Variants in IKZF2 observed in about 807,000 individuals in gnomAD.
IKZF2 encodes IKAROS family zinc finger 2.
IKZF2 carries 15 observed loss-of-function variants against 49.2 expected under a neutral mutation model. That is an observed-to-expected ratio of 0.30 (90% CI 0.20 to 0.47). The LOEUF is 0.47. IKZF2 is among the 20% of genes least tolerant of loss of function. IKZF2 has a pLI of 1.00. For synonymous variants in IKZF2, 227 were observed against 221.4 expected (o/e 1.03, Z -0.23); for missense variants, 567 against 664.6 (o/e 0.85, Z 1.61).
chr2:213,075,890 G>A (rs73077231), intron 4 of IKZF2, among the ~76,000 whole-genome samples: 1 of 151,922 alleles, frequency 6.6e-6, no homozygotes, highest in African/African-American at 2.4e-5. Context: ...TATTATCAAA[G>A]AACTCATAAA....
chr2:213,141,133 C>T (rs986653972), intron 4 of IKZF2, among the ~76,000 whole-genome samples: 1 of 151,968 alleles, frequency 6.6e-6, no homozygotes, highest in Non-Finnish European at 1.5e-5. Flanking sequence ...CCATCCTTGA[C>T]TCTATTGTCT....
intron 4 of IKZF2, among the ~76,000 whole-genome samples, chr2:213,108,077 A>G (rs187865609): frequency 6.6e-6 from 1 of 152,162 alleles, no homozygotes; most frequent in Non-Finnish European, 1.5e-5. Flanking sequence ...TGAAATTACT[A>G]TGGAGCAACC....
chr2:213,064,337 G>A (rs548599078), intron 4 of IKZF2, among the ~76,000 whole-genome samples: 1 of 152,076 alleles, frequency 6.6e-6, no homozygotes, highest in East Asian at 1.9e-4. Flanking sequence ...ACACCTGTGA[G>A]TTGGTAATGT....
At chr2:213,056,523 G>C (rs1701167160) in intron 5 of IKZF2, 1 of 452,270 alleles carries the variant, frequency 2.2e-6, no homozygotes, top group Non-Finnish European at 4.1e-6. Flanking sequence ...AATATGTATA[G>C]AAATACAAAA....
In IKZF2 at chr2:213,003,410, T is replaced by G. The variant is rs1292955669; in HGVS notation, c.*3950A>C. 1 of 151,768 alleles carries G rather than the reference T, an allele frequency of 6.6e-6. No homozygotes were observed. Among genetic ancestry groups the G allele is most frequent in the African/African-American group, 2.4e-5 (1 of 41,406 alleles). The allele number at this position is 151,768 out of a possible 1,614,324, so 9.4% of individuals were successfully genotyped here. ...TGGTTTAGAATAGTCTTCATTCAGA[T>G]AGTATTTATTAAAATAATACATAAA... On this transcript the variant is annotated 3_prime_UTR_variant, in exon 9 of 9. Coordinates refer to ENST00000434687, the MANE Select transcript of IKZF2 (RefSeq NM_001387220.1).
chr2:213,146,760 G>GA (rs1007725227), intron 4 of IKZF2, among the ~76,000 whole-genome samples: 1 of 2,654 alleles, frequency 3.8e-4, no homozygotes, highest in Admixed American at 3.9e-3. Context: ...TTAAATCTTC[G>GA]GGGGGGGGGA....
chr2:213,149,032 G>A (rs962228786), intron 2 of IKZF2, among the ~76,000 whole-genome samples: 1 of 152,186 alleles, frequency 6.6e-6, no homozygotes, highest in Non-Finnish European at 1.5e-5. Context: ...GACTTCCCCA[G>A]TATACAGATA....
chr2:213,094,236 G>A (rs1705695891), intron 4 of IKZF2, among the ~76,000 whole-genome samples: 1 of 152,138 alleles, frequency 6.6e-6, no homozygotes, highest in Non-Finnish European at 1.5e-5. Context: ...ATCTGACTAT[G>A]CTGAGTATGT....
chr2:213,039,473 G>A (rs1458988627), intron 6 of IKZF2, among the ~76,000 whole-genome samples: 4 of 152,028 alleles, frequency 2.6e-5, no homozygotes, highest in African/African-American at 7.2e-5. Context: ...GCTTTAAACT[G>A]ACAATTAGAC....
At chr2:213,037,531 C>T (rs1387790792) in intron 6 of IKZF2, among the ~76,000 whole-genome samples, 2 of 152,144 alleles carry the variant, frequency 1.3e-5, no homozygotes, top group Admixed American at 6.5e-5. Context: ...GTCTTACAGC[C>T]GGCCTGACTG....
chr2:213,011,728 G>A (rs1695977546), intron 8 of IKZF2, among the ~76,000 whole-genome samples: 1 of 151,950 alleles, frequency 6.6e-6, no homozygotes, highest in South Asian at 2.1e-4. Flanking sequence ...GCTGATATTT[G>A]GGATCAGTTA....
intron 4 of IKZF2, among the ~76,000 whole-genome samples, chr2:213,092,721 A>G (rs530866662): frequency 7.9e-5 from 12 of 152,250 alleles, no homozygotes; most frequent in East Asian, 1.9e-4. Context: ...AAAATTTTCT[A>G]TCATCAGCCC....
chr2:213,107,911 C>A (rs1041641713), intron 4 of IKZF2, among the ~76,000 whole-genome samples: 2 of 152,006 alleles, frequency 1.3e-5, no homozygotes, highest in Non-Finnish European at 2.9e-5. Context: ...ATCTCTAGAA[C>A]AAAGAGAGGT....
intron 7 of IKZF2, among the ~76,000 whole-genome samples, chr2:213,017,904 A>T (rs1255531623): frequency 6.6e-6 from 1 of 152,136 alleles, no homozygotes; most frequent in Non-Finnish European, 1.5e-5. Context: ...TTATGATACA[A>T]GAGAGATATA....
intron 8 of IKZF2, among the ~76,000 whole-genome samples, chr2:213,009,969 A>G (rs1401438062): frequency 6.6e-6 from 1 of 152,138 alleles, no homozygotes; most frequent in Non-Finnish European, 1.5e-5. Context: ...CAAGTTAGAT[A>G]ATATAAGGCT....
chr2:213,074,258 C>T (rs1317338603), intron 4 of IKZF2, among the ~76,000 whole-genome samples: 1 of 152,126 alleles, frequency 6.6e-6, no homozygotes, highest in African/African-American at 2.4e-5. Flanking sequence ...AGAAATGTGT[C>T]CTTAGCTGTG....
At chr2:213,091,067 G>C (rs2125639688) in intron 4 of IKZF2, among the ~76,000 whole-genome samples, 1 of 152,234 alleles carries the variant, frequency 6.6e-6, no homozygotes, top group Non-Finnish European at 1.5e-5. Flanking sequence ...TCAGAGGAAA[G>C]GAAAGGTGCC....
intron 4 of IKZF2, among the ~76,000 whole-genome samples, chr2:213,059,177 T>A (rs916747933): frequency 6.6e-6 from 1 of 151,804 alleles, no homozygotes; most frequent in African/African-American, 2.4e-5. Flanking sequence ...CTCAGAATTA[T>A]TTATCAAAGT....
chr2:213,031,305 A>C (rs1313097239), intron 6 of IKZF2, among the ~76,000 whole-genome samples: 1 of 152,234 alleles, frequency 6.6e-6, no homozygotes, highest in Non-Finnish European at 1.5e-5. Context: ...TAACATTATT[A>C]ACCATCCAAA....
Sources: gnomAD v4.1 joint callset for allele counts (sites outside exome capture counted in the v4.1 genomes callset) on GRCh38, gnomAD v4.1.1 for gene constraint, MANE v1.5 for transcripts, NCBI Gene and HGNC (gene_info 2026-07-23, HGNC 2026-07-21) for gene names.